Variants in GRIK2 observed in about 807,000 individuals in gnomAD.
GRIK2 encodes glutamate ionotropic receptor kainate type subunit 2, also known as glutamate receptor ionotropic, kainate 2.
Under a neutral mutation model 100.3 loss-of-function variants are expected in GRIK2, and 32 were observed. The ratio of observed to expected loss-of-function variants is 0.32; its 90% CI spans 0.24 to 0.43. GRIK2 has a LOEUF of 0.43. Among genes scored for constraint, GRIK2 ranks in the 20% least tolerant of loss-of-function variants. The pLI, the probability that GRIK2 is intolerant of heterozygous loss-of-function variation, is 1.00. For missense variants in GRIK2, 843 were observed against 1,114.9 expected, an observed-to-expected ratio of 0.76 and a Z score of 3.47; for synonymous variants, 417 against 389.4, an observed-to-expected ratio of 1.07 and a Z score of -0.83.
chr6:101,739,139 C>T (rs918378194), intron 7 of GRIK2, among the ~76,000 whole-genome samples: 1 of 152,146 alleles, frequency 6.6e-6, no homozygotes, highest in Non-Finnish European at 1.5e-5. Flanking sequence ...ATGTCACAGT[C>T]ACAGTAAGAT....
intron 15 of GRIK2, among the ~76,000 whole-genome samples, chr6:102,046,648 C>A (rs923630955): frequency 3.9e-5 from 6 of 152,092 alleles, no homozygotes; most frequent in Non-Finnish European, 5.9e-5. Context: ...CATAAATTTC[C>A]CAGTCTCAAG....
intron 7 of GRIK2, among the ~76,000 whole-genome samples, chr6:101,755,807 T>G (rs1777101439): frequency 6.6e-6 from 1 of 152,150 alleles, no homozygotes; most frequent in Non-Finnish European, 1.5e-5. Context: ...GTGAAATATA[T>G]TATTCTCTTA....
chr6:101,640,076 C>G (rs9498655), intron 4 of GRIK2, among the ~76,000 whole-genome samples: 1 of 152,102 alleles, frequency 6.6e-6, no homozygotes, highest in African/African-American at 2.4e-5. Context: ...GAAAACAAAA[C>G]TTATTGTGTA....
rs10678285 is a variant in GRIK2 at position 101,984,614 on chromosome 6, AACACACACAC to A, written c.2086-50694_2086-50685del. 3.1e-3 allele frequency among the ~76,000 whole-genome samples: 402 copies of A among 129,246 alleles called. 2 individuals carry two copies. Among genetic ancestry groups the A allele is most frequent in the African/African-American group, 0.01 (374 of 36,086 alleles). 84.8% of individuals were successfully genotyped at this position (129,246 alleles called of 152,430 possible). On this transcript the variant is annotated intron_variant, in intron 14 of 16. Transcript: ENST00000369134. ...TTATATGTGCAGGAATACACATTAA[AACACACACAC>A]ACACACACACACACACACACACACA...
At chr6:101,999,735 G>A (rs1007934113) in intron 14 of GRIK2, among the ~76,000 whole-genome samples, 1 of 152,000 alleles carries the variant, frequency 6.6e-6, no homozygotes, top group Non-Finnish European at 1.5e-5. Context: ...AAGAAAAGAT[G>A]TATTTTCCTT....
chr6:101,761,698 A>G (rs867320335), intron 7 of GRIK2, among the ~76,000 whole-genome samples: 1 of 152,050 alleles, frequency 6.6e-6, no homozygotes, highest in Non-Finnish European at 1.5e-5. Flanking sequence ...ACGATTTTTC[A>G]AGGTTATACT....
intron 9 of GRIK2, among the ~76,000 whole-genome samples, chr6:101,810,646 T>G (rs1781269916): frequency 6.6e-6 from 1 of 152,084 alleles, no homozygotes; most frequent in Non-Finnish European, 1.5e-5. Flanking sequence ...AGAGCTCAGG[T>G]GCCAATGCTT....
intron 14 of GRIK2, among the ~76,000 whole-genome samples, chr6:102,027,516 C>G (rs1434503720): frequency 6.6e-6 from 1 of 150,910 alleles, no homozygotes; most frequent in Non-Finnish European, 1.5e-5. Context: ...TTATGTATAA[C>G]AAAACATATT....
chr6:101,853,639 A>G (rs551362775), intron 10 of GRIK2, among the ~76,000 whole-genome samples: 1 of 152,336 alleles, frequency 6.6e-6, no homozygotes, highest in East Asian at 1.9e-4. Context: ...CAGCACATGG[A>G]TGTTTATAGC....
chr6:101,545,752 A>T (rs542068455), intron 2 of GRIK2, among the ~76,000 whole-genome samples: 1 of 152,308 alleles, frequency 6.6e-6, no homozygotes, highest in South Asian at 2.1e-4. Context: ...CATATTACAC[A>T]ATCCTTAGGT....
intron 4 of GRIK2, among the ~76,000 whole-genome samples, chr6:101,664,920 A>G (rs1769902435): frequency 6.6e-6 from 1 of 152,190 alleles, no homozygotes; most frequent in African/African-American, 2.4e-5. Flanking sequence ...TGTGAGACTT[A>G]CTAACATGAG....
At chr6:101,895,364 G>C (rs1213938708) in intron 12 of GRIK2, among the ~76,000 whole-genome samples, 1 of 151,580 alleles carries the variant, frequency 6.6e-6, no homozygotes, top group Non-Finnish European at 1.5e-5. Context: ...TCTACTCAAT[G>C]GTTTATTATT....
intron 7 of GRIK2, among the ~76,000 whole-genome samples, chr6:101,768,273 A>G (rs1778162059): frequency 6.6e-6 from 1 of 152,214 alleles, no homozygotes; most frequent in African/African-American, 2.4e-5. Context: ...GTTGTCATGC[A>G]CACATCTGTA....
At chr6:101,588,658 A>ACACGCACACG (rs1344276592) in intron 2 of GRIK2, among the ~76,000 whole-genome samples, 1 of 131,894 alleles carries the variant, frequency 7.6e-6, no homozygotes, top group Non-Finnish European at 1.6e-5. Context: ...TGCATGACAC[A>ACACGCACACG]CACGCACACG....
intron 14 of GRIK2, among the ~76,000 whole-genome samples, chr6:101,990,547 A>G (rs760357399): frequency 2.6e-5 from 4 of 151,654 alleles, no homozygotes; most frequent in Non-Finnish European, 5.9e-5. Flanking sequence ...GCAGGAAATG[A>G]AAACTTAGCA....
rs76466799 is a variant in GRIK2, at chr6:101,476,519, T to TA, written c.115+77129dup. On this transcript the variant is annotated intron_variant, in intron 2 of 16. Transcript: ENST00000369134. ...AAGGCTTTGGAGTTTATGAGCATCATAAGTGTATGATTTTAGGTTTTTTTC... is the reference window on the plus strand; with the variant it reads ...AAGGCTTTGGAGTTTATGAGCATCATAAAGTGTATGATTTTAGGTTTTTTTC... Among the ~76,000 whole-genome samples the TA allele has an allele frequency of 0.021, 3,175 of 152,224 alleles. 252 individuals are homozygous for TA. In the East Asian group the frequency reaches 0.28, roughly 13 times the overall value.
intron 12 of GRIK2, among the ~76,000 whole-genome samples, chr6:101,901,759 CATTAAG>C (rs1787859758): frequency 6.6e-6 from 1 of 151,680 alleles, no homozygotes; most frequent in African/African-American, 2.4e-5. Context: ...ATTTATTTTT[CATTAAG>C]ATTATGTATT....
intron 2 of GRIK2, among the ~76,000 whole-genome samples, chr6:101,422,537 C>A (rs1041361821): frequency 1.3e-5 from 2 of 151,920 alleles, no homozygotes; most frequent in Non-Finnish European, 2.9e-5. Flanking sequence ...GCTTTGTGAC[C>A]TACCTGATGA....
intron 14 of GRIK2, among the ~76,000 whole-genome samples, chr6:101,975,793 G>GTCTATCTATCTGTCTATCTA (rs1450931270): frequency 6.2e-5 from 6 of 96,934 alleles, no homozygotes; most frequent in East Asian, 4.1e-4. Flanking sequence ...CTGTCTGTCT[G>GTCTATCTATCTGTCTATCTA]TCTATCTATC....
Sources: gnomAD v4.1 joint callset for allele counts (sites outside exome capture counted in the v4.1 genomes callset) on GRCh38, gnomAD v4.1.1 for gene constraint, MANE v1.5 for transcripts, NCBI Gene and HGNC (gene_info 2026-07-23, HGNC 2026-07-21) for gene names.